The following MRPL22 variants were observed in gnomAD, a reference collection of about 807,000 sequenced individuals.
MRPL22 encodes the protein large ribosomal subunit protein uL22m.
In MRPL22, 27 loss-of-function variants were observed where a neutral mutation model predicts 32.4. The ratio of observed to expected loss-of-function variants is 0.83; its 90% CI spans 0.61 to 1.15. The LOEUF (loss-of-function observed/expected upper bound fraction) is 1.15. MRPL22 is among the 50% of genes most tolerant of loss of function. The pLI is 0.00. For synonymous variants in MRPL22, 86 were observed against 87.3 expected, an observed-to-expected ratio of 0.99 and a Z score of 0.08; for missense variants, 239 against 260.2, an observed-to-expected ratio of 0.92 and a Z score of 0.56.
chr5:154,954,837 G>C (rs1015951934), intron 3 of MRPL22, among the ~76,000 whole-genome samples: 6 of 152,094 alleles, frequency 3.9e-5, no homozygotes, highest in African/African-American at 1.4e-4. Context: ...TGTCGCCCAG[G>C]CTGGAGTGCA....
chr5:154,957,120 A>G lies in MRPL22; in HGVS notation c.262-15A>G. The G allele has an allele frequency of 1.2e-6, 2 of 1,601,360 alleles. No individual in the cohort carries two copies. The highest frequency in any genetic ancestry group is 1.3e-5 in the African/African-American group (1 of 74,632). ...ACTAATTTATTTTCTTTTGTCTCTC[A>G]CCCTTTAATTCTAGATACGAGGAAT... On this transcript the variant is annotated splice_polypyrimidine_tract_variant and intron_variant, in intron 4 of 6. Coordinates refer to ENST00000523037, the MANE Select transcript of MRPL22 (RefSeq NM_014180.4).
At chr5:154,948,700 C>G (rs1764523362) in intron 2 of MRPL22, among the ~76,000 whole-genome samples, 1 of 152,122 alleles carries the variant, frequency 6.6e-6, no homozygotes, top group Non-Finnish European at 1.5e-5. Context: ...TAATAATTTG[C>G]TATTCCTTCA....
At chr5:154,943,580 A>G (rs1321616744) in intron 2 of MRPL22, among the ~76,000 whole-genome samples, 1 of 151,746 alleles carries the variant, frequency 6.6e-6, no homozygotes, top group Non-Finnish European at 1.5e-5. Context: ...ATATATATAT[A>G]CACACATATA....
At chr5:154,946,147 G>A (rs1561737873) in intron 2 of MRPL22, among the ~76,000 whole-genome samples, 1 of 152,138 alleles carries the variant, frequency 6.6e-6, no homozygotes, top group Non-Finnish European at 1.5e-5. Context: ...ACTGTGCTAG[G>A]CGGGTACAGC....
intron 4 of MRPL22, chr5:154,956,651 G>T: frequency 2.1e-6 from 1 of 474,274 alleles, no homozygotes. Context: ...TGGATAGATA[G>T]ATACTAAAAG....
At chr5:154,950,783 A>G (rs1392609504) in intron 2 of MRPL22, 38 bp from the exon 3 acceptor site, 1 of 1,342,494 alleles carries the variant, frequency 7.4e-7, no homozygotes, top group Non-Finnish European at 1.1e-6. Flanking sequence ...AAGGTCCCCT[A>G]AGTGTCTGTT....
At chr5:154,951,754 C>T (rs1304959636) in intron 3 of MRPL22, among the ~76,000 whole-genome samples, 4 of 151,900 alleles carry the variant, frequency 2.6e-5, no homozygotes, top group African/African-American at 9.7e-5. Flanking sequence ...CCAGGCTGGT[C>T]TCCATTTTGT....
At chr5:154,952,518 A>G (rs917221314) in intron 3 of MRPL22, among the ~76,000 whole-genome samples, 3 of 152,114 alleles carry the variant, frequency 2.0e-5, no homozygotes, top group Non-Finnish European at 2.9e-5. Context: ...GGAAAACCTT[A>G]ATTTCTCTAT....
intron 6 of MRPL22, 95 bp downstream of exon 6, chr5:154,960,144 G>C: frequency 1.1e-6 from 1 of 878,534 alleles, no homozygotes; most frequent in South Asian, 1.6e-5. Flanking sequence ...AACTCCTCAG[G>C]ACTTGGTTTG....
chr5:154,948,628 A>G (rs933847514), intron 2 of MRPL22, among the ~76,000 whole-genome samples: 2 of 152,210 alleles, frequency 1.3e-5, no homozygotes, highest in African/African-American at 4.8e-5. Context: ...GTGTTCTTCC[A>G]TAAGGAGGCA....
At chr5:154,956,539 T>C in intron 4 of MRPL22, 103 bp downstream of exon 4, 1 of 713,124 alleles carries the variant, frequency 1.4e-6, no homozygotes, top group Non-Finnish European at 2.4e-6. Context: ...AAAAAAGATT[T>C]GTGAGGAATG....
chr5:154,957,314 T>C (rs1764643662), intron 5 of MRPL22, 102 bp downstream of exon 5: 1 of 968,312 alleles, frequency 1.0e-6, no homozygotes, highest in African/African-American at 1.6e-5. Flanking sequence ...TTCCCTAAAT[T>C]TTCTGTTGTA....
intron 6 of MRPL22, among the ~76,000 whole-genome samples, chr5:154,964,939 A>G (rs936350815): frequency 6.6e-6 from 1 of 152,200 alleles, no homozygotes; most frequent in South Asian, 2.1e-4. Flanking sequence ...TCCTCTAGAC[A>G]GGTTGATCCA....
At position 154,967,090 on chromosome 5, in the gene MRPL22, C is replaced by T. The variant is rs1043542468; in HGVS notation, c.*193C>T. On this transcript the variant is annotated 3_prime_UTR_variant, in exon 7 of 7. Transcript: ENST00000523037. The surrounding 1 kb of genome is among the most constrained non-coding windows in gnomAD (Gnocchi z 4.7). ...CTCTGGGCATATTTGTATGCATTTG[C>T]GACTTGGAAGGGGAAATCAGCTTTA... is the stretch of plus-strand genomic sequence containing the variant. 73 of 644,852 alleles carry T rather than the reference C, an allele frequency of 1.1e-4. No individual in the cohort carries two copies. The highest frequency in any genetic ancestry group is 1.6e-4 in the Non-Finnish European group (62 of 388,822). The allele number at this position is 644,852 out of a possible 1,614,324, so 39.9% of individuals were successfully genotyped here.
At chr5:154,949,831 T>C (rs1764535171) in intron 2 of MRPL22, among the ~76,000 whole-genome samples, 1 of 152,170 alleles carries the variant, frequency 6.6e-6, no homozygotes, top group Non-Finnish European at 1.5e-5. Flanking sequence ...CCTATTAGTT[T>C]AGCATTCAAA....
intron 3 of MRPL22, chr5:154,955,868 A>G (rs1247769994): frequency 6.5e-6 from 1 of 154,722 alleles, no homozygotes; most frequent in African/African-American, 2.4e-5. Flanking sequence ...GCTCAAGATT[A>G]TGTAGCTAGT....
chr5:154,963,001 C>T (rs772611149), intron 6 of MRPL22, among the ~76,000 whole-genome samples: 7 of 152,140 alleles, frequency 4.6e-5, no homozygotes, highest in African/African-American at 1.4e-4. Context: ...TGTAGTGGTG[C>T]GATCTCAGCT....
At chr5:154,957,914 CTT>C (rs912216773) in intron 5 of MRPL22, among the ~76,000 whole-genome samples, 1 of 120,854 alleles carries the variant, frequency 8.3e-6, no homozygotes. Context: ...ATATATTTTT[CTT>C]TTTTTTTTTT....
In MRPL22 at chr5:154,968,112, C is replaced by G. The variant is rs557045423; in HGVS notation, c.*1215C>G. On this transcript the variant is annotated 3_prime_UTR_variant, in exon 7 of 7. Transcript: ENST00000523037. ...TTTTACCACTTTACAAAGGAATAAA[C>G]CGAAGCACACAGAATTCAAATAACT... 2.6e-5 allele frequency: 4 copies of G among 152,272 alleles called. No homozygotes were observed. Among genetic ancestry groups the G allele is most frequent in the African/African-American group, 9.6e-5 (4 of 41,564 alleles). The allele number at this position is 152,272 out of a possible 1,614,324, so 9.4% of individuals were successfully genotyped here. A position where few individuals can be genotyped will look rare whatever the true frequency, so the allele number is the denominator to read the frequency against.
Sources: gnomAD v4.1 joint callset for allele counts (sites outside exome capture counted in the v4.1 genomes callset) on GRCh38, gnomAD v4.1.1 for gene constraint, Gnocchi (gnomAD v3.1) non-coding constraint, MANE v1.5 for transcripts, NCBI Gene and HGNC (gene_info 2026-07-23, HGNC 2026-07-21) for gene names.